Variants in PCSK6 observed in about 807,000 individuals in gnomAD.
PCSK6 encodes the protein paired basic amino acid cleaving enzyme 4.
In PCSK6, 85 loss-of-function variants were observed where a neutral mutation model predicts 123.3. That is an observed-to-expected ratio of 0.69 (90% confidence interval 0.58 to 0.83). The LOEUF (loss-of-function observed/expected upper bound fraction) is 0.83. Among genes scored for constraint, PCSK6 ranks in the 40% least tolerant of loss-of-function variants. The pLI is 0.00. For missense variants in PCSK6, 1,191 were observed against 1,282.3 expected (o/e 0.93, Z 1.09); for synonymous variants, 508 against 516.0 (o/e 0.98, Z 0.21).
intron 13 of PCSK6, among the ~76,000 whole-genome samples, chr15:101,335,523 A>G (rs1282829277): frequency 6.6e-6 from 1 of 152,188 alleles, no homozygotes; most frequent in Non-Finnish European, 1.5e-5. Context: ...TTTCTTGTGT[A>G]TCATTTCTGA....
Position 101,325,065 on chromosome 15 carries a change from G to A in PCSK6, c.2181-19C>T, listed in dbSNP as rs1242887182. ...GCACTTCCTGTAGGAGCAAAGGCAG[G>A]AGGGTGAGGGCCTTGCCAACCCAGC... is the stretch of plus-strand genomic sequence containing the variant. On this transcript the variant is annotated intron_variant, in intron 16 of 21. Coordinates refer to ENST00000611716, the MANE Select transcript of PCSK6 (RefSeq NM_002570.5). 1 of 1,584,540 alleles carries A rather than the reference G, an allele frequency of 6.3e-7. No individual in the cohort carries two copies. The highest frequency in any genetic ancestry group is 8.6e-7 in the Non-Finnish European group (1 of 1,165,562).
intron 13 of PCSK6, chr15:101,347,060 G>T: frequency 8.1e-7 from 1 of 1,231,714 alleles, no homozygotes. Flanking sequence ...TATGGTGACT[G>T]TTTGGAGAGT....
chr15:101,456,349 C>T (rs1430342698), intron 1 of PCSK6, among the ~76,000 whole-genome samples: 1 of 152,206 alleles, frequency 6.6e-6, no homozygotes, highest in Non-Finnish European at 1.5e-5. Context: ...GTGACGCCCA[C>T]CCTGACTCCT....
At chr15:101,446,041 G>T (rs1447588648) in intron 1 of PCSK6, among the ~76,000 whole-genome samples, 1 of 152,262 alleles carries the variant, frequency 6.6e-6, no homozygotes, top group Admixed American at 6.5e-5. Flanking sequence ...GAACGATCCA[G>T]GAAAGGCACA....
In PCSK6 at chr15:101,451,807, C is replaced by T. The variant is rs575289571; in HGVS notation, c.298-8147G>A. Among the ~76,000 whole-genome samples the T allele has an allele frequency of 3.3e-5, 5 of 152,288 alleles. No homozygotes were observed. In the South Asian group the frequency reaches 1.0e-3, roughly 32 times the overall value. On this transcript the variant is annotated intron_variant, in intron 1 of 21. Coordinates refer to ENST00000611716, the MANE Select transcript of PCSK6 (RefSeq NM_002570.5). ...CTTAAGAAAAACACAACTAATTAGA[C>T]TCTATAAAAACCTACACACCAAATT... is the stretch of plus-strand genomic sequence containing the variant.
chr15:101,429,826 G>A lies in PCSK6; in HGVS notation c.734+161C>T, dbSNP rs540194522. On this transcript the variant is annotated intron_variant, in intron 5 of 21. Transcript: ENST00000611716. ...AGAAGCTGGCCGTGCCTGAAGGGCT[G>A]TGCCTGGCATGGCCTGTGACTCCTG... Among the ~76,000 whole-genome samples, 18 of 152,368 alleles carry A rather than the reference G, an allele frequency of 1.2e-4. No individual in the cohort carries two copies. In the South Asian group the frequency reaches 3.1e-3, roughly 26 times the overall value.
chr15:101,360,494 G>A (rs12439476), intron 13 of PCSK6, among the ~76,000 whole-genome samples: 4,124 of 83,680 alleles, frequency 0.049, 189 homozygotes, highest in African/African-American at 0.068. Flanking sequence ...ACTCCTGCCC[G>A]GGGGCCTTAG....
intron 11 of PCSK6, among the ~76,000 whole-genome samples, chr15:101,378,543 T>C (rs1383065642): frequency 6.6e-6 from 1 of 152,224 alleles, no homozygotes; most frequent in Non-Finnish European, 1.5e-5. Context: ...CAGACATCAA[T>C]ACCTCAGTTC....
chr15:101,403,394 A>T (rs1035426170), intron 6 of PCSK6, among the ~76,000 whole-genome samples: 1 of 150,514 alleles, frequency 6.6e-6, no homozygotes, highest in Non-Finnish European at 1.5e-5. Flanking sequence ...CACATTGTGC[A>T]CATGTACCCT....
intron 11 of PCSK6, among the ~76,000 whole-genome samples, chr15:101,378,337 G>A (rs185005024): frequency 1.2e-4 from 18 of 152,302 alleles, no homozygotes; most frequent in Middle Eastern, 6.8e-3. Context: ...ACGGTCTGAC[G>A]ATCACAACAG....
chr15:101,346,878 G>T, intron 13 of PCSK6: 1 of 1,231,712 alleles, frequency 8.1e-7, no homozygotes, highest in Admixed American at 4.2e-5. Flanking sequence ...GCAGTTGGTT[G>T]CATTTCTCCC....
At chr15:101,342,901 C>CAAA (rs34993074) in intron 13 of PCSK6, among the ~76,000 whole-genome samples, 1 of 124,342 alleles carries the variant, frequency 8.0e-6, no homozygotes, top group Admixed American at 8.3e-5. Context: ...GACTCCGTCT[C>CAAA]AAAAAAAAAA....
chr15:101,406,722 C>T (rs930752986), intron 6 of PCSK6, among the ~76,000 whole-genome samples: 1 of 152,100 alleles, frequency 6.6e-6, no homozygotes, highest in African/African-American at 2.4e-5. Context: ...TGTGGTCTGC[C>T]GAGTTGTCAA....
At chr15:101,484,869 T>C (rs1215680328) in intron 1 of PCSK6, among the ~76,000 whole-genome samples, 1 of 152,194 alleles carries the variant, frequency 6.6e-6, no homozygotes, top group African/African-American at 2.4e-5. Flanking sequence ...AGTTCTCTAT[T>C]CTACTTCAGG....
intron 6 of PCSK6, among the ~76,000 whole-genome samples, chr15:101,421,336 T>A (rs902924393): frequency 2.3e-4 from 35 of 152,356 alleles, no homozygotes; most frequent in Admixed American, 1.6e-3. Context: ...TGTGCAGTTT[T>A]ACAAAGAAAA....
intron 18 of PCSK6, 68 bp downstream of exon 18, chr15:101,322,452 G>T: frequency 9.1e-7 from 1 of 1,095,992 alleles, no homozygotes; most frequent in Non-Finnish European, 1.4e-6. Flanking sequence ...CACCAACGTG[G>T]TAAATCCATA....
chr15:101,464,340 T>A (rs920667972), intron 1 of PCSK6, among the ~76,000 whole-genome samples: 6 of 152,128 alleles, frequency 3.9e-5, no homozygotes, highest in Non-Finnish European at 7.4e-5. Context: ...TGCAAGTAGG[T>A]CATATGTACC....
intron 13 of PCSK6, among the ~76,000 whole-genome samples, chr15:101,341,271 C>A (rs1026923323): frequency 8.0e-4 from 98 of 122,206 alleles, no homozygotes; most frequent in Non-Finnish European, 1.5e-3. Flanking sequence ...TTTTTCTTGA[C>A]AAAGTCTTGC....
At chr15:101,436,130 C>T (rs1475582460) in intron 2 of PCSK6, among the ~76,000 whole-genome samples, 1 of 152,098 alleles carries the variant, frequency 6.6e-6, no homozygotes, top group Admixed American at 6.5e-5. Flanking sequence ...TCCTTCTGCC[C>T]TAACTTCAAG....
Sources: allele counts gnomAD v4.1 joint callset (sites outside exome capture counted in the v4.1 genomes callset), GRCh38; gene constraint gnomAD v4.1.1; transcripts MANE v1.5; gene names NCBI Gene and HGNC (gene_info 2026-07-23, HGNC 2026-07-21).